The following ARID1B variants were observed in gnomAD, a reference collection of about 807,000 sequenced individuals.
ARID1B encodes the protein AT-rich interaction domain 1B.
Under a neutral mutation model 212.3 loss-of-function variants are expected in ARID1B, and 30 were observed. The observed-to-expected ratio is 0.14, with a 90% confidence interval of 0.11 to 0.19. The LOEUF (loss-of-function observed/expected upper bound fraction) is 0.19. Among genes scored for constraint, ARID1B ranks in the 10% least tolerant of loss-of-function variants. The pLI, the probability that ARID1B is intolerant of heterozygous loss-of-function variation, is 1.00. For missense variants in ARID1B, 2,891 were observed against 3,204.0 expected, an observed-to-expected ratio of 0.90 and a Z score of 2.36; for synonymous variants, 1,402 against 1,301.7, an observed-to-expected ratio of 1.08 and a Z score of -1.66.
rs1424861728 is a variant in ARID1B at position 157,148,894 on chromosome 6, A to G, written c.3032A>G (p.Lys1011Arg). The change falls in exon 8 of 20, where the codon AAG becomes AGG. Residue 1011 changes from lysine (K) to arginine (R), a missense_variant. Physicochemically the swap from Lys to Arg is conservative, Grantham distance 26. Coordinates refer to ENST00000636930, the MANE Select transcript of ARID1B (RefSeq NM_001374828.1). The surrounding 1 kb of genome is among the most constrained non-coding windows in gnomAD (Gnocchi z 5.6). The part of the protein sequence containing the change: ...MGPPMPTVNR[K>R]AQEAAAAVMQ... The stretch of plus-strand genomic sequence containing the variant: ...CCGCCAATGCCAACTGTGAACCGTA[A>G]GGCACAGGAGGCAGCCGCAGCAGTG... The G allele has an allele frequency of 6.2e-7, 1 of 1,612,704 alleles. No homozygotes were observed. Among genetic ancestry groups the G allele is most frequent in the African/African-American group, 1.3e-5 (1 of 74,952 alleles).
At chr6:156,968,706 C>A (rs1195481084) in intron 4 of ARID1B, among the ~76,000 whole-genome samples, 2 of 152,236 alleles carry the variant, frequency 1.3e-5, no homozygotes, top group Non-Finnish European at 2.9e-5. Context: ...GGTTTGAATT[C>A]TGGTGCCACC....
Position 156,946,389 on chromosome 6 carries a change from T to TA in ARID1B, c.2247+10815dup, listed in dbSNP as rs1431391111. 2.0e-5 allele frequency among the ~76,000 whole-genome samples: 3 copies of TA among 151,128 alleles called. No individual in the cohort carries two copies. The East Asian group carries it at 5.8e-4, about 29-fold the overall frequency. On this transcript the variant is annotated intron_variant, in intron 4 of 19. Coordinates refer to ENST00000636930, the MANE Select transcript of ARID1B (RefSeq NM_001374828.1). ...TCCATCTCAAAAAATAAAAAATAAA[T>TA]AATAAATAAATAAATAAATATGCCC...
At chr6:157,061,988 T>A (rs1365038472) in intron 4 of ARID1B, among the ~76,000 whole-genome samples, 1 of 152,140 alleles carries the variant, frequency 6.6e-6, no homozygotes, top group Non-Finnish European at 1.5e-5. Flanking sequence ...CCACTGAGTT[T>A]GCAGTGGGAA....
intron 3 of ARID1B, among the ~76,000 whole-genome samples, chr6:156,917,369 GGGAATCTAGTGTT>G (rs1790441973): frequency 6.6e-6 from 1 of 152,182 alleles, no homozygotes; most frequent in African/African-American, 2.4e-5. Context: ...TTTTGCATGT[GGGAATCTAGTGTT>G]GAGTCAGACG....
chr6:157,044,301 G>A (rs1414475127), intron 4 of ARID1B, among the ~76,000 whole-genome samples: 1 of 151,940 alleles, frequency 6.6e-6, no homozygotes, highest in Non-Finnish European at 1.5e-5. Context: ...TTTCAACTGT[G>A]GAAAATGTGT....
intron 6 of ARID1B, among the ~76,000 whole-genome samples, chr6:157,130,631 T>G (rs1788483141): frequency 2.0e-5 from 3 of 152,262 alleles, no homozygotes; most frequent in Admixed American, 2.0e-4. Context: ...ATTTTATGTC[T>G]ATCTCTTTAA....
intron 4 of ARID1B, among the ~76,000 whole-genome samples, chr6:157,040,896 T>C (rs569338992): frequency 2.6e-5 from 4 of 152,376 alleles, no homozygotes; most frequent in Admixed American, 2.6e-4. Context: ...ACTTCCGCTG[T>C]TTTCCCGTGG....
chr6:156,869,719 A>G (rs1311581540), intron 2 of ARID1B, among the ~76,000 whole-genome samples: 1 of 152,216 alleles, frequency 6.6e-6, no homozygotes, highest in South Asian at 2.1e-4. Flanking sequence ...GGATTTGTCT[A>G]GAGTGAGCTA....
chr6:157,018,753 T>C (rs1024620249), intron 4 of ARID1B, among the ~76,000 whole-genome samples: 1 of 152,166 alleles, frequency 6.6e-6, no homozygotes, highest in Non-Finnish European at 1.5e-5. Flanking sequence ...GGTGGGAAAA[T>C]ATACATAAAT....
chr6:156,995,523 C>A (rs1335893384), intron 4 of ARID1B, among the ~76,000 whole-genome samples: 1 of 152,208 alleles, frequency 6.6e-6, no homozygotes, highest in African/African-American at 2.4e-5. Context: ...TTCTAAGTAT[C>A]TGTTTTGCTC....
chr6:157,105,623 A>G (rs1208713190), intron 5 of ARID1B, among the ~76,000 whole-genome samples: 2 of 152,118 alleles, frequency 1.3e-5, no homozygotes, highest in Non-Finnish European at 2.9e-5. Flanking sequence ...TTTTTTTGAG[A>G]TGGAGTCTTG....
intron 6 of ARID1B, among the ~76,000 whole-genome samples, chr6:157,122,285 A>G (rs1478424412): frequency 6.6e-6 from 1 of 152,246 alleles, no homozygotes; most frequent in African/African-American, 2.4e-5. Flanking sequence ...CCATGTAACA[A>G]GAATGGATTA....
chr6:157,093,553 A>G (rs985312565), intron 5 of ARID1B, among the ~76,000 whole-genome samples: 1 of 152,240 alleles, frequency 6.6e-6, no homozygotes, highest in Admixed American at 6.5e-5. Context: ...CACTAATCCT[A>G]AAATGCATTA....
chr6:157,004,399 C>G (rs1779080996), intron 4 of ARID1B, among the ~76,000 whole-genome samples: 1 of 152,102 alleles, frequency 6.6e-6, no homozygotes, highest in Admixed American at 6.5e-5. Context: ...TTAAATGAAG[C>G]CATTTTGTTC....
Position 156,935,461 on chromosome 6 carries a change from T to G in ARID1B, c.2137-5T>G. On this transcript the variant is annotated splice_polypyrimidine_tract_variant and splice_region_variant and intron_variant, in intron 3 of 19. Coordinates refer to ENST00000636930, the MANE Select transcript of ARID1B (RefSeq NM_001374828.1). ...GAAGTGCTTTGTGTTTGTGTTTTTT[T>G]TTAGGACATGTCTCAGGAAGGCTAT... 6.2e-7 allele frequency: 1 copy of G among 1,604,660 alleles called. No individual in the cohort carries two copies. The highest frequency in any genetic ancestry group is 8.5e-7 in the Non-Finnish European group (1 of 1,173,602).
chr6:157,168,326 T>A (rs1791482746), intron 9 of ARID1B: 1 of 152,200 alleles, frequency 6.6e-6, no homozygotes, highest in South Asian at 2.1e-4. Flanking sequence ...TGAAGGTTTT[T>A]AAATAAATAA....
chr6:156,832,887 G>A (rs919188012), intron 2 of ARID1B, among the ~76,000 whole-genome samples: 1 of 152,002 alleles, frequency 6.6e-6, no homozygotes, highest in African/African-American at 2.4e-5. Context: ...GAAGCATGAC[G>A]TGATAATAGT....
intron 4 of ARID1B, among the ~76,000 whole-genome samples, chr6:157,081,259 A>G (rs921683925): frequency 1.3e-5 from 2 of 152,258 alleles, no homozygotes; most frequent in African/African-American, 4.8e-5. Context: ...TACAGGCATC[A>G]TAGATCTGAT....
intron 4 of ARID1B, among the ~76,000 whole-genome samples, chr6:156,972,658 T>C (rs866961836): frequency 6.6e-6 from 1 of 152,146 alleles, no homozygotes; most frequent in Admixed American, 6.5e-5. Context: ...GTCTCACCTT[T>C]TCAGTTAAAC....
Sources: allele counts gnomAD v4.1 joint callset (sites outside exome capture counted in the v4.1 genomes callset), GRCh38; gene constraint gnomAD v4.1.1; non-coding constraint Gnocchi (gnomAD v3.1); transcripts MANE v1.5; gene names NCBI Gene and HGNC (gene_info 2026-07-23, HGNC 2026-07-21).